UTP23: variants seen among roughly 807,000 people sequenced by gnomAD.
UTP23 encodes rRNA-processing protein UTP23 homolog.
UTP23 carries 10 observed loss-of-function variants against 19.8 expected under a neutral mutation model. That is an observed-to-expected ratio of 0.50 (90% CI 0.31 to 0.86). The LOEUF is 0.86. Among genes scored for constraint, UTP23 ranks in the 40% least tolerant of loss-of-function variants. UTP23 has a pLI of 0.05. For synonymous variants in UTP23, 108 were observed against 105.4 expected (o/e 1.02, Z -0.15); for missense variants, 282 against 293.1 (o/e 0.96, Z 0.28).
chr8:116,766,758 A>G lies in UTP23; in HGVS notation c.155A>G (p.Tyr52Cys). The G allele has an allele frequency of 1.3e-6, 2 of 1,588,984 alleles. No homozygotes were observed. The highest frequency in any genetic ancestry group is 1.7e-6 in the Non-Finnish European group (2 of 1,167,558). The change falls in exon 1 of 3, where the codon TAC becomes TGC. Residue 52 changes from tyrosine to cysteine, a missense_variant. Coordinates refer to ENST00000309822, the MANE Select transcript of UTP23 (RefSeq NM_032334.3). ...RIQLREQLPRYLMGETQLCTT... is the reference protein window; with the variant it reads ...RIQLREQLPRCLMGETQLCTT... ...CAGCTGCGGGAGCAGCTGCCCCGCT[A>G]CCTCATGGGGGAGACGCAGCTGTGC...
At chr8:116,767,014 T>TGA in intron 1 of UTP23, 1 of 493,488 alleles carries the variant, frequency 2.0e-6, no homozygotes, top group Non-Finnish European at 3.6e-6. Flanking sequence ...GCCTGGCGAA[T>TGA]GAGAGCACAT....
In UTP23 at chr8:116,772,083, G is replaced by A. The variant is rs1307811987; in HGVS notation, c.*241G>A. 2 of 1,123,882 alleles carry A rather than the reference G, an allele frequency of 1.8e-6. No individual in the cohort carries two copies. The highest frequency in any genetic ancestry group is 3.7e-5 in the South Asian group (1 of 27,240). 69.6% of individuals were successfully genotyped at this position (1,123,882 alleles called of 1,614,324 possible). A position where few individuals can be genotyped will look rare whatever the true frequency, so the allele number is the denominator to read the frequency against. On this transcript the variant is annotated 3_prime_UTR_variant, in exon 3 of 3. Transcript: ENST00000309822. ...TGTAATTCCAGCTACTCAGGAGGCT[G>A]AGGCATGAGAATCGCTTGAACCTGG... is the stretch of plus-strand genomic sequence containing the variant.
intron 1 of UTP23, among the ~76,000 whole-genome samples, chr8:116,769,140 A>C (rs928113023): frequency 3.3e-5 from 5 of 152,236 alleles, no homozygotes; most frequent in Admixed American, 2.0e-4. Context: ...ATGAAGTAGA[A>C]CAGCAGAATG....
Position 116,771,606 on chromosome 8 carries a change from A to G in UTP23, c.514A>G (p.Lys172Glu). 1 of 1,612,096 alleles carries G rather than the reference A, an allele frequency of 6.2e-7. No individual in the cohort carries two copies. ...ESGQLVSVHE[K>E]ESIKHLKEEQ... is the part of the protein sequence containing the mutation. ...AGGTCAGCTTGTCTCAGTGCATGAG[A>G]AAGAAAGTATCAAACATCTCAAAGA... The change falls in exon 3 of 3, where the codon AAA (lysine) becomes GAA (glutamate). Residue 172 changes from lysine to glutamate, a missense_variant. Lys to Glu is a moderately conservative substitution (Grantham distance 56, BLOSUM62 1). Coordinates refer to ENST00000309822, the MANE Select transcript of UTP23 (RefSeq NM_032334.3).
At chr8:116,767,214 C>T (rs1375324508) in intron 1 of UTP23, among the ~76,000 whole-genome samples, 2 of 152,114 alleles carry the variant, frequency 1.3e-5, no homozygotes, top group Non-Finnish European at 2.9e-5. Flanking sequence ...CAAAGTGTAC[C>T]CGTCTTCAAA....
rs751376435 is a variant in UTP23, at chr8:116,771,548, C to T, written c.456C>T (p.Pro152=). The T allele has an allele frequency of 6.8e-6, 11 of 1,611,322 alleles. No homozygotes were observed. In the Admixed American group the frequency reaches 1.3e-4, roughly 20 times the overall value. Residue 152 remains proline (P), a synonymous_variant, in exon 3 of 3, where the codon CCC becomes CCT. Coordinates refer to ENST00000309822, the MANE Select transcript of UTP23 (RefSeq NM_032334.3). ...QNTMVLDKPS[P]KTIAFVKAVE... ...CTATGGTTTTGGACAAACCTTCTCC[C>T]AAAACAATTGCCTTTGTAAAAGCAG...
At position 116,770,334 on chromosome 8, in the gene UTP23, G is replaced by A. The variant is rs1455894956; in HGVS notation, c.331G>A (p.Gly111Arg). Residue 111 changes from glycine to arginine, a missense_variant, in exon 2 of 3, where the codon GGA becomes AGA. Transcript: ENST00000309822. ...ATGTCTGCTTTCCATGGTTGAAGAG[G>A]GAAATCCTCATCATTATTTTGTGGC... ...SECLLSMVEE[G>R]NPHHYFVATQ... The A allele has an allele frequency of 1.2e-6, 2 of 1,612,418 alleles. No homozygotes were observed. Among genetic ancestry groups the A allele is most frequent in the Admixed American group, 1.7e-5 (1 of 59,948 alleles).
Position 116,772,412 on chromosome 8 carries a change from A to G in UTP23, c.*570A>G. The G allele has an allele frequency of 1.0e-6, 1 of 956,232 alleles. No individual in the cohort carries two copies. The highest frequency in any genetic ancestry group is 1.8e-5 in the African/African-American group (1 of 56,722). 59.2% of individuals were successfully genotyped at this position (956,232 alleles called of 1,614,324 possible). A position where few individuals can be genotyped will look rare whatever the true frequency, so the allele number is the denominator to read the frequency against. ...TTGACAGAAGAAACTTCCTCTTTCA[A>G]TTCTAGTAGTTGAAGAATTTATATT... On this transcript the variant is annotated 3_prime_UTR_variant, in exon 3 of 3. Transcript: ENST00000309822.
At chr8:116,770,112 A>T in intron 1 of UTP23, 80 bp from the exon 2 acceptor site, 9 of 1,354,794 alleles carry the variant, frequency 6.6e-6, no homozygotes, top group Non-Finnish European at 7.9e-6. Context: ...GCATAGTTTT[A>T]TTTTAAGAAA....
chr8:116,773,778 C>A lies in UTP23; in HGVS notation c.*1936C>A. 1 of 548,040 alleles carries A rather than the reference C, an allele frequency of 1.8e-6. No homozygotes were observed. The highest frequency in any genetic ancestry group is 2.1e-5 in the African/African-American group (1 of 48,628). 33.9% of individuals were successfully genotyped at this position (548,040 alleles called of 1,614,324 possible). A position where few individuals can be genotyped will look rare whatever the true frequency, so the allele number is the denominator to read the frequency against. ...TGAGCCAAGATCATGCCACTGCACT[C>A]CAGCCTGGTGAGAGAGTGAAACCCC... On this transcript the variant is annotated 3_prime_UTR_variant, in exon 3 of 3. Coordinates refer to ENST00000309822, the MANE Select transcript of UTP23 (RefSeq NM_032334.3).
intron 2 of UTP23, chr8:116,770,582 G>GT (rs974813339): frequency 1.5e-3 from 612 of 411,696 alleles, no homozygotes; most frequent in East Asian, 2.0e-3. Flanking sequence ...GTTGGGTTTT[G>GT]TTTTTTTTAA....
At position 116,771,559 on chromosome 8, in the gene UTP23, C is replaced by T. The variant is rs750354450; in HGVS notation, c.467C>T (p.Ala156Val). 1.2e-6 allele frequency: 2 copies of T among 1,612,314 alleles called. No individual in the cohort carries two copies. Among genetic ancestry groups the T allele is most frequent in the Non-Finnish European group, 1.7e-6 (2 of 1,179,560 alleles). Residue 156 changes from alanine to valine, a missense_variant, in exon 3 of 3, where the codon GCC becomes GTC. By Grantham distance (64) the Ala-to-Val change is moderately conservative (BLOSUM62 0). Coordinates refer to ENST00000309822, the MANE Select transcript of UTP23 (RefSeq NM_032334.3). The stretch of plus-strand genomic sequence containing the variant: ...GACAAACCTTCTCCCAAAACAATTG[C>T]CTTTGTAAAAGCAGTGGAGTCAGGT... ...VLDKPSPKTI[A>V]FVKAVESGQL...
At position 116,771,514 on chromosome 8, in the gene UTP23, T is replaced by C. The variant is rs773760706; in HGVS notation, c.422T>C (p.Ile141Thr). 4 of 1,593,050 alleles carry C rather than the reference T, an allele frequency of 2.5e-6. No homozygotes were observed. In the East Asian group the frequency reaches 8.9e-5, roughly 36 times the overall value. Reference sequence around the variant, plus strand: ...CCTGGAGTTCCTCTCATGTTTATTATTCAGAACACTATGGTTTTGGACAAA... The same window carrying C: ...CCTGGAGTTCCTCTCATGTTTATTACTCAGAACACTATGGTTTTGGACAAA... ...KKPGVPLMFI[I>T]QNTMVLDKPS... Residue 141 changes from isoleucine (I) to threonine (T), a missense_variant, in exon 3 of 3, where the codon ATT (isoleucine) becomes ACT (threonine). By Grantham distance (89) the Ile-to-Thr change is moderately conservative. Coordinates refer to ENST00000309822, the MANE Select transcript of UTP23 (RefSeq NM_032334.3).
chr8:116,769,506 T>C (rs1439533911), intron 1 of UTP23, among the ~76,000 whole-genome samples: 2 of 152,152 alleles, frequency 1.3e-5, no homozygotes, highest in African/African-American at 2.4e-5. Flanking sequence ...ATCTTAGACA[T>C]GGTGAATTTG....
rs1190398582 is a variant in UTP23 at position 116,774,339 on chromosome 8, G to A, written c.*2497G>A. The A allele has an allele frequency of 1.0e-6, 1 of 985,144 alleles. No individual in the cohort carries two copies. The highest frequency in any genetic ancestry group is 1.2e-6 in the Non-Finnish European group (1 of 829,922). The allele number at this position is 985,144 out of a possible 1,614,324, so 61.0% of individuals were successfully genotyped here. A position where few individuals can be genotyped will look rare whatever the true frequency, so the allele number is the denominator to read the frequency against. On this transcript the variant is annotated 3_prime_UTR_variant, in exon 3 of 3. Coordinates refer to ENST00000309822, the MANE Select transcript of UTP23 (RefSeq NM_032334.3). ...ACTTTAGAACAGCTTTGAAACTAGAGTTTCAAAGGTAAAAGGATCTCATGT... is the reference window on the plus strand; with the variant it reads ...ACTTTAGAACAGCTTTGAAACTAGAATTTCAAAGGTAAAAGGATCTCATGT...
In UTP23 at chr8:116,771,853, T is replaced by C. The variant is rs1815660863; in HGVS notation, c.*11T>C. On this transcript the variant is annotated 3_prime_UTR_variant, in exon 3 of 3. Coordinates refer to ENST00000309822, the MANE Select transcript of UTP23 (RefSeq NM_032334.3). The stretch of plus-strand genomic sequence containing the variant: ...GCAGAAGGAGAATGAATCCTTTGGA[T>C]ACTTTCAAGGACATTCAAATGTGAA... 1.3e-6 allele frequency: 2 copies of C among 1,559,166 alleles called. No individual in the cohort carries two copies. Among genetic ancestry groups the C allele is most frequent in the Admixed American group, 2.1e-5 (1 of 46,682 alleles).
At chr8:116,767,111 C>T (rs1355790100) in intron 1 of UTP23, among the ~76,000 whole-genome samples, 2 of 152,146 alleles carry the variant, frequency 1.3e-5, no homozygotes, top group Admixed American at 1.3e-4. Context: ...CTCTGAGCCT[C>T]GGATTCCTCA....
At chr8:116,770,613 T>G in intron 2 of UTP23, 1 of 355,072 alleles carries the variant, frequency 2.8e-6, no homozygotes, top group Non-Finnish European at 5.1e-6. Context: ...GTTTTGCTTT[T>G]TTTGTTTGTT....
rs1815698054 is a variant in UTP23 at position 116,774,454 on chromosome 8, CTTT to C, written c.*2613_*2615del. On this transcript the variant is annotated 3_prime_UTR_variant, in exon 3 of 3. Transcript: ENST00000309822. ...TGGATAGAAATGAATAGTTTGGAGT[CTTT>C]AAAATGTTTTAAAAAATGTTTGCTT... The C allele has an allele frequency of 1.0e-6, 1 of 976,556 alleles. No homozygotes were observed. Among genetic ancestry groups the C allele is most frequent in the Non-Finnish European group, 1.2e-6 (1 of 822,224 alleles). The allele number at this position is 976,556 out of a possible 1,614,324, so 60.5% of individuals were successfully genotyped here. A position where few individuals can be genotyped will look rare whatever the true frequency, so the allele number is the denominator to read the frequency against.
Sources: allele counts gnomAD v4.1 joint callset (sites outside exome capture counted in the v4.1 genomes callset), GRCh38; gene constraint gnomAD v4.1.1; transcripts MANE v1.5; gene names NCBI Gene and HGNC (gene_info 2026-07-23, HGNC 2026-07-21).